The following RGS13 variants were observed in gnomAD, a reference collection of about 807,000 sequenced individuals.
RGS13 encodes regulator of G-protein signalling 13.
Under a neutral mutation model 19.9 loss-of-function variants are expected in RGS13, and 14 were observed. That is an observed-to-expected ratio of 0.70 (90% CI 0.46 to 1.10). RGS13 has a LOEUF of 1.10. Among genes scored for constraint, RGS13 ranks in the 50% least tolerant of loss-of-function variants. The probability of loss-of-function intolerance (pLI) is 0.00; values close to 1 mark genes in which losing one functional copy is unlikely to be tolerated. For missense variants in RGS13, 205 were observed against 187.1 expected (o/e 1.10, Z -0.56); for synonymous variants, 60 against 56.8 (o/e 1.06, Z -0.25).
At chr1:192,644,693 A>C in intron 4 of RGS13, 1 of 227,780 alleles carries the variant, frequency 4.4e-6, no homozygotes, top group South Asian at 1.3e-4. Context: ...GAGATTCTTC[A>C]ATCCAAAATA....
intron 3 of RGS13, among the ~76,000 whole-genome samples, chr1:192,640,409 T>G (rs1663084954): frequency 6.6e-6 from 1 of 152,178 alleles, no homozygotes; most frequent in African/African-American, 2.4e-5. Flanking sequence ...AAAAAGGTTT[T>G]TATTTTCATC....
intron 4 of RGS13, chr1:192,644,641 C>T (rs1663184050): frequency 2.8e-6 from 1 of 353,448 alleles, no homozygotes; most frequent in Non-Finnish European, 5.1e-6. Flanking sequence ...TGAATAGTCT[C>T]TGTTCTTTTT....
At chr1:192,636,999 CTT>C (rs1663028639) in intron 1 of RGS13, among the ~76,000 whole-genome samples, 3 of 151,820 alleles carry the variant, frequency 2.0e-5, no homozygotes, top group Admixed American at 2.0e-4. Flanking sequence ...GACAGAATTG[CTT>C]TAAGAAAATT....
At chr1:192,647,168 G>A (rs1310075022) in intron 4 of RGS13, 2 of 152,100 alleles carry the variant, frequency 1.3e-5, no homozygotes, top group Non-Finnish European at 2.9e-5. Context: ...TAGATAAATA[G>A]GTAAACACTT....
chr1:192,641,216 GAAAGAGAGAAAGAA>G (rs1558049059), intron 3 of RGS13, among the ~76,000 whole-genome samples: 90 of 88,078 alleles, frequency 1.0e-3, no homozygotes, highest in Non-Finnish European at 1.4e-3. Context: ...AAGAAAGAAA[GAAAGAGAGAAAGAA>G]AGAAAGAAAG....
intron 3 of RGS13, among the ~76,000 whole-genome samples, chr1:192,640,926 C>T (rs1375206246): frequency 6.6e-6 from 1 of 152,032 alleles, no homozygotes; most frequent in Non-Finnish European, 1.5e-5. Flanking sequence ...TGTTTTCAAA[C>T]TCTGTCTATG....
chr1:192,655,485 T>A (rs1663421678), intron 5 of RGS13, among the ~76,000 whole-genome samples: 1 of 152,128 alleles, frequency 6.6e-6, no homozygotes, highest in African/African-American at 2.4e-5. Context: ...GAATATGCTC[T>A]TCTTGTGGTG....
intron 3 of RGS13, among the ~76,000 whole-genome samples, chr1:192,642,016 C>G (rs1663130961): frequency 6.6e-6 from 1 of 152,152 alleles, no homozygotes; most frequent in South Asian, 2.1e-4. Flanking sequence ...CACACCCTAA[C>G]TGGGCTCCCT....
chr1:192,641,309 A>AG (rs1663117815), intron 3 of RGS13, among the ~76,000 whole-genome samples: 1 of 147,934 alleles, frequency 6.8e-6, no homozygotes, highest in Non-Finnish European at 1.5e-5. Flanking sequence ...AAAGAAAGAA[A>AG]AGAAAGAAAG....
intron 5 of RGS13, among the ~76,000 whole-genome samples, chr1:192,652,723 G>A (rs1347414413): frequency 6.6e-6 from 1 of 151,970 alleles, no homozygotes; most frequent in African/African-American, 2.4e-5. Flanking sequence ...CTTTTCAAGA[G>A]CCACAGAGAG....
intron 5 of RGS13, 40 bp downstream of exon 5, chr1:192,648,027 G>C (rs377316207): frequency 2.1e-6 from 3 of 1,425,006 alleles, no homozygotes; most frequent in Non-Finnish European, 2.9e-6. Flanking sequence ...TAACTAGCGA[G>C]TTCCATTCTT....
chr1:192,648,998 C>T (rs1199298075), intron 5 of RGS13, among the ~76,000 whole-genome samples: 2 of 152,064 alleles, frequency 1.3e-5, no homozygotes, highest in African/African-American at 4.8e-5. Context: ...GGTGTAGACA[C>T]TTGGCTACTC....
intron 3 of RGS13, among the ~76,000 whole-genome samples, chr1:192,639,338 G>A (rs1663064885): frequency 1.6e-5 from 2 of 126,014 alleles, no homozygotes; most frequent in African/African-American, 2.9e-5. Flanking sequence ...CCATGCCTGA[G>A]CTCTTCTGGC....
intron 5 of RGS13, among the ~76,000 whole-genome samples, chr1:192,651,436 G>A (rs2102035489): frequency 6.6e-6 from 1 of 151,600 alleles, no homozygotes; most frequent in African/African-American, 2.4e-5. Flanking sequence ...GCGGGAATGA[G>A]GTCAATACCG....
chr1:192,647,923 A>C lies in RGS13; in HGVS notation c.66-3A>C. 1 of 1,582,946 alleles carries C rather than the reference A, an allele frequency of 6.3e-7. No individual in the cohort carries two copies. Among genetic ancestry groups the C allele is most frequent in the South Asian group, 1.2e-5 (1 of 85,828 alleles). ...AATCAGTGCTTTTTGTTTCTTTTCA[A>C]AGCCTTACTTTGGAGGAAGTATTAC... is the stretch of plus-strand genomic sequence containing the variant. On this transcript the variant is annotated splice_region_variant and splice_polypyrimidine_tract_variant and intron_variant, in intron 4 of 6. Coordinates refer to ENST00000391995, the MANE Select transcript of RGS13 (RefSeq NM_002927.5).
intron 5 of RGS13, among the ~76,000 whole-genome samples, chr1:192,648,967 G>A (rs1156540870): frequency 5.3e-5 from 8 of 152,056 alleles, no homozygotes; most frequent in Non-Finnish European, 1.2e-4. Context: ...TCACTGCCCA[G>A]CCCAGAGGGT....
intron 5 of RGS13, among the ~76,000 whole-genome samples, chr1:192,651,615 A>C (rs1663339462): frequency 6.6e-6 from 1 of 152,090 alleles, no homozygotes; most frequent in African/African-American, 2.4e-5. Flanking sequence ...AGGAAGAAGC[A>C]AAAGTAGGAG....
intron 1 of RGS13, 109 bp from the exon 2 acceptor site, chr1:192,637,481 A>T (rs1281680146): frequency 6.6e-6 from 1 of 151,986 alleles, no homozygotes; most frequent in African/African-American, 2.4e-5. Flanking sequence ...AAAAGTATTT[A>T]CTTAAAACTT....
chr1:192,637,868 T>G (rs1396654673), intron 2 of RGS13, among the ~76,000 whole-genome samples: 2 of 152,060 alleles, frequency 1.3e-5, no homozygotes, highest in African/African-American at 2.4e-5. Context: ...ACAAAATAAA[T>G]TTATCAATAG....
Sources: allele counts gnomAD v4.1 joint callset (sites outside exome capture counted in the v4.1 genomes callset), GRCh38; gene constraint gnomAD v4.1.1; transcripts MANE v1.5; gene names NCBI Gene and HGNC (gene_info 2026-07-23, HGNC 2026-07-21).